The following C1orf87 variants were observed in gnomAD, a reference collection of about 807,000 sequenced individuals.
C1orf87 encodes uncharacterized protein C1orf87.
A neutral mutation model predicts 60.5 loss-of-function variants in C1orf87; 58 were observed. The ratio of observed to expected loss-of-function variants is 0.96; its 90% CI spans 0.78 to 1.19. The LOEUF is 1.19. C1orf87 is among the 50% of genes most tolerant of loss of function. C1orf87 has a pLI of 0.00. For synonymous variants in C1orf87, 236 were observed against 227.4 expected (o/e 1.04, Z -0.34); for missense variants, 673 against 638.6 (o/e 1.05, Z -0.58).
chr1:60,013,208 TTTTA>T (rs1645102041), intron 8 of C1orf87, among the ~76,000 whole-genome samples: 1 of 152,078 alleles, frequency 6.6e-6, no homozygotes, highest in Non-Finnish European at 1.5e-5. Context: ...GGACTTCCGT[TTTTA>T]TTTCTTTTTC....
At chr1:60,033,928 C>CT (rs1306343826) in intron 6 of C1orf87, among the ~76,000 whole-genome samples, 6 of 152,024 alleles carry the variant, frequency 3.9e-5, no homozygotes, top group African/African-American at 1.2e-4. Flanking sequence ...CTTTGTAACT[C>CT]TTTTTTTTCT....
chr1:60,058,086 C>CAT (rs1645469664), intron 2 of C1orf87, among the ~76,000 whole-genome samples: 1 of 152,128 alleles, frequency 6.6e-6, no homozygotes, highest in Non-Finnish European at 1.5e-5. Context: ...TGAGAGAAGA[C>CAT]ATATATGTTC....
chr1:60,005,063 G>A (rs540231067), intron 9 of C1orf87, among the ~76,000 whole-genome samples: 1 of 152,138 alleles, frequency 6.6e-6, no homozygotes, highest in Admixed American at 6.6e-5. Flanking sequence ...GAGAACAACT[G>A]ACTTTAATAA....
rs973884999 is a variant in C1orf87 at position 60,010,435 on chromosome 1, C to A, written c.1149G>T (p.Met383Ile). ...ACAAATCAGAAGAAGCTCTGGTCAG[C>A]ATCTCAACAAAATTCTGCCATCTGT... ...NEIKWQNFVE[M>I]LTRASSDLLS... The change falls in exon 9 of 12, where the codon ATG becomes ATT. Residue 383 changes from methionine (M) to isoleucine (I), a missense_variant. Transcript: ENST00000371201. 3 of 1,612,286 alleles carry A rather than the reference C, an allele frequency of 1.9e-6. No individual in the cohort carries two copies. The highest frequency in any genetic ancestry group is 2.7e-5 in the African/African-American group (2 of 74,786).
intron 3 of C1orf87, among the ~76,000 whole-genome samples, chr1:60,044,320 A>G (rs952817379): frequency 1.3e-5 from 2 of 152,194 alleles, no homozygotes; most frequent in African/African-American, 4.8e-5. Context: ...GTGAGCCACC[A>G]CGCCCAGCCA....
At chr1:60,068,834 T>A (rs1645565782) in intron 2 of C1orf87, among the ~76,000 whole-genome samples, 1 of 152,214 alleles carries the variant, frequency 6.6e-6, no homozygotes, top group African/African-American at 2.4e-5. Context: ...ATCTCCTTTT[T>A]GAAAATGAGA....
In C1orf87 at chr1:60,010,611, T is replaced by C. The variant is rs546320370; in HGVS notation, c.1128-155A>G. Among the ~76,000 whole-genome samples, 5 of 152,140 alleles carry C rather than the reference T, an allele frequency of 3.3e-5. No homozygotes were observed. The East Asian group carries it at 9.7e-4, about 30-fold the overall frequency. On this transcript the variant is annotated intron_variant, in intron 8 of 11. Coordinates refer to ENST00000371201, the MANE Select transcript of C1orf87 (RefSeq NM_152377.3). Reference sequence around the variant, plus strand: ...TGCAGGAAACAGAAACTACTTTGTATATCTTTATTAAAAAGGGCTTTGATA... The same window carrying C: ...TGCAGGAAACAGAAACTACTTTGTACATCTTTATTAAAAAGGGCTTTGATA...
Position 60,010,528 on chromosome 1 carries a change from T to G in C1orf87, c.1128-72A>C, listed in dbSNP as rs923998333. 6.1e-6 allele frequency: 8 copies of G among 1,308,846 alleles called. No homozygotes were observed. The African/African-American group carries it at 7.3e-5, about 12-fold the overall frequency. 81.1% of individuals were successfully genotyped at this position (1,308,846 alleles called of 1,614,324 possible). A position where few individuals can be genotyped will look rare whatever the true frequency, so the allele number is the denominator to read the frequency against. On this transcript the variant is annotated intron_variant, in intron 8 of 11. Transcript: ENST00000371201. ...TGAAAGAATGTCCAGTGAAGCTCTG[T>G]TTATATTGGTAGTGATATTGAATAA...
At chr1:60,049,088 T>C (rs1339197726) in intron 3 of C1orf87, among the ~76,000 whole-genome samples, 1 of 152,056 alleles carries the variant, frequency 6.6e-6, no homozygotes, top group Non-Finnish European at 1.5e-5. Context: ...AAGTACATCT[T>C]TGGGATAGAT....
intron 3 of C1orf87, among the ~76,000 whole-genome samples, chr1:60,044,539 C>T (rs1418167718): frequency 2.0e-5 from 3 of 152,160 alleles, no homozygotes; most frequent in African/African-American, 7.2e-5. Flanking sequence ...CTGACACCCC[C>T]CCACATCAAG....
At position 60,010,398 on chromosome 1, in the gene C1orf87, G is replaced by A. The variant is rs1393346807; in HGVS notation, c.1186C>T (p.Pro396Ser). Residue 396 changes from proline to serine, a missense_variant, in exon 9 of 12, where the codon CCT (proline) becomes TCT (serine). Transcript: ENST00000371201. ...AAAAAATAATGGAACTCACCTGTAG[G>A]CAAATCAGATAACAAATCAGAAGAA... Reference protein sequence around the residue: ...RASSDLLSDLPTGKNEKKAPA... With the variant: ...RASSDLLSDLSTGKNEKKAPA... The A allele has an allele frequency of 1.2e-6, 2 of 1,612,084 alleles. No homozygotes were observed. The highest frequency in any genetic ancestry group is 1.7e-6 in the Non-Finnish European group (2 of 1,178,634).
At chr1:60,004,602 T>G (rs1014865833) in intron 9 of C1orf87, among the ~76,000 whole-genome samples, 17 of 152,196 alleles carry the variant, frequency 1.1e-4, no homozygotes, top group African/African-American at 4.1e-4. Context: ...CCCTTTCTCC[T>G]TCCTAATACC....
rs57844722 is a variant in C1orf87, at chr1:60,061,776, CAAAAAAAAA to C, written c.108-6347_108-6339del. On this transcript the variant is annotated intron_variant, in intron 2 of 11. Coordinates refer to ENST00000371201, the MANE Select transcript of C1orf87 (RefSeq NM_152377.3). ...CAACATGGCCAAACCCCATCTCTAC[CAAAAAAAAA>C]AAAAAAAAAAAAAAAAATAGCTGGG... Among the ~76,000 whole-genome samples the C allele has an allele frequency of 3.2e-4, 17 of 53,172 alleles. No homozygotes were observed. In the South Asian group the frequency reaches 0.012, roughly 39 times the overall value. The allele number at this position is 53,172 out of a possible 152,430, so 34.9% of individuals were successfully genotyped here.
chr1:60,005,723 C>G (rs1645039790), intron 9 of C1orf87, among the ~76,000 whole-genome samples: 1 of 151,216 alleles, frequency 6.6e-6, no homozygotes, highest in Non-Finnish European at 1.5e-5. Flanking sequence ...GAAGTGTTCA[C>G]AGGGCTAAAA....
chr1:60,056,038 G>T (rs1365454540), intron 2 of C1orf87, among the ~76,000 whole-genome samples: 2 of 152,132 alleles, frequency 1.3e-5, no homozygotes, highest in Non-Finnish European at 2.9e-5. Flanking sequence ...GAGGTCAGGA[G>T]TTTGAGACCA....
rs752305423 is a variant in C1orf87 at position 60,025,399 on chromosome 1, A to G, written c.1127+2T>C. The G allele has an allele frequency of 6.2e-7, 1 of 1,607,892 alleles. No homozygotes were observed. The highest frequency in any genetic ancestry group is 8.5e-7 in the Non-Finnish European group (1 of 1,174,734). ...TTCAGTTCTTAATAAGAGTTGACTTACTTTATTTCATTTTGGTAACCCAAA... is the reference window on the plus strand; with the variant it reads ...TTCAGTTCTTAATAAGAGTTGACTTGCTTTATTTCATTTTGGTAACCCAAA... On this transcript the variant is annotated splice_donor_variant, in intron 8 of 11. Coordinates refer to ENST00000371201, the MANE Select transcript of C1orf87 (RefSeq NM_152377.3). LOFTEE classifies it high-confidence loss of function.
At chr1:60,050,809 A>G (rs1645408821) in intron 3 of C1orf87, among the ~76,000 whole-genome samples, 1 of 152,166 alleles carries the variant, frequency 6.6e-6, no homozygotes, top group East Asian at 1.9e-4. Flanking sequence ...AATGAAAATG[A>G]ACAAGCAACA....
At chr1:60,020,720 C>CA (rs1195069652) in intron 8 of C1orf87, among the ~76,000 whole-genome samples, 2 of 152,100 alleles carry the variant, frequency 1.3e-5, no homozygotes, top group Non-Finnish European at 2.9e-5. Flanking sequence ...AAGGGATTTG[C>CA]CTTGTCTCAG....
chr1:60,011,424 C>T (rs1574299678), intron 8 of C1orf87, among the ~76,000 whole-genome samples: 2 of 151,742 alleles, frequency 1.3e-5, no homozygotes, highest in East Asian at 3.9e-4. Flanking sequence ...TCTATTTATC[C>T]CTTCCTCCCT....
Sources: allele counts gnomAD v4.1 joint callset (sites outside exome capture counted in the v4.1 genomes callset), GRCh38; gene constraint gnomAD v4.1.1; transcripts MANE v1.5; gene names NCBI Gene and HGNC (gene_info 2026-07-23, HGNC 2026-07-21).